Variants in ARHGEF3 observed in about 807,000 individuals in gnomAD.
The protein encoded by ARHGEF3 is 59.8 kDA protein.
Under a neutral mutation model 63.2 loss-of-function variants are expected in ARHGEF3, and 28 were observed. The ratio of observed to expected loss-of-function variants is 0.44; its 90% CI spans 0.33 to 0.61. The LOEUF is 0.61. Ranked by LOEUF, ARHGEF3 falls within the 20% of genes least tolerant of loss-of-function variation. The pLI is 0.03. For missense variants in ARHGEF3, 533 were observed against 659.3 expected (o/e 0.81, Z 2.10); for synonymous variants, 266 against 254.2 (o/e 1.05, Z -0.44).
intron 3 of ARHGEF3, among the ~76,000 whole-genome samples, chr3:56,948,076 C>G (rs80192161): frequency 0.12 from 17,572 of 152,040 alleles, 1,276 homozygotes; most frequent in East Asian, 0.25. Flanking sequence ...TTCTTTGAAA[C>G]CAACGAGAAC....
intron 2 of ARHGEF3, among the ~76,000 whole-genome samples, chr3:56,757,136 A>G (rs2035122448): frequency 6.6e-6 from 1 of 152,212 alleles, no homozygotes; most frequent in African/African-American, 2.4e-5. Flanking sequence ...GAAAGTAAAG[A>G]AAAATTTTAA....
chr3:56,829,441 A>T (rs1010295413), intron 4 of ARHGEF3, among the ~76,000 whole-genome samples: 1 of 152,164 alleles, frequency 6.6e-6, no homozygotes, highest in African/African-American at 2.4e-5. Context: ...CATTTGGCCC[A>T]GGTTGTTCAA....
intron 2 of ARHGEF3, among the ~76,000 whole-genome samples, chr3:56,974,868 G>GGA (rs2106869682): frequency 6.6e-6 from 1 of 152,210 alleles, no homozygotes; most frequent in Non-Finnish European, 1.5e-5. Context: ...TTTTGCCTGG[G>GGA]GAGAGCCTGT....
chr3:56,957,218 G>C (rs2106733072), intron 3 of ARHGEF3, among the ~76,000 whole-genome samples: 1 of 152,244 alleles, frequency 6.6e-6, no homozygotes, highest in East Asian at 1.9e-4. Context: ...ATTTCTCTTT[G>C]TACTCAATAA....
intron 3 of ARHGEF3, among the ~76,000 whole-genome samples, chr3:56,946,882 G>T (rs1265059721): frequency 6.6e-6 from 1 of 152,152 alleles, no homozygotes; most frequent in Non-Finnish European, 1.5e-5. Flanking sequence ...AGAGAGAAAG[G>T]TCAGGTTACC....
At chr3:57,074,049 G>A (rs1213763583) in intron 1 of ARHGEF3, 7 of 1,614,198 alleles carry the variant, frequency 4.3e-6, no homozygotes, top group Non-Finnish European at 5.9e-6. Flanking sequence ...AGGCAGTTGT[G>A]AGCAAGTTAT....
At chr3:56,884,285 G>A (rs557820023) in intron 3 of ARHGEF3, among the ~76,000 whole-genome samples, 2 of 152,274 alleles carry the variant, frequency 1.3e-5, no homozygotes, top group Admixed American at 6.5e-5. Flanking sequence ...AACATGGGTT[G>A]GAGGGCTCTG....
At chr3:56,791,383 C>A (rs773304001) in intron 1 of ARHGEF3, among the ~76,000 whole-genome samples, 5 of 152,090 alleles carry the variant, frequency 3.3e-5, no homozygotes, top group African/African-American at 4.8e-5. Context: ...GTTAAGGCTG[C>A]AGTGAGCCAT....
intron 4 of ARHGEF3, chr3:56,882,173 C>T (rs1391094783): frequency 2.0e-6 from 2 of 995,934 alleles, no homozygotes; most frequent in Non-Finnish European, 2.9e-6. Context: ...CCCCAGGTCA[C>T]AACTTCCATA....
chr3:56,756,267 A>G (rs2035059945), intron 2 of ARHGEF3, among the ~76,000 whole-genome samples: 1 of 152,196 alleles, frequency 6.6e-6, no homozygotes, highest in Admixed American at 6.5e-5. Flanking sequence ...GCTGTGCTCC[A>G]AAACCACATT....
rs367560764 is a variant in ARHGEF3, at chr3:56,924,086, C to T, written c.129+34737G>A. On this transcript the variant is annotated intron_variant, in intron 3 of 12. Transcript: ENST00000338458. ...ACAAAATCATGGACAATAAGCCCCA[C>T]GTGGCTGTAACAAGAAGCAATTATA... Among the ~76,000 whole-genome samples the T allele has an allele frequency of 4.6e-5, 7 of 152,132 alleles. No homozygotes were observed. In the East Asian group the frequency reaches 9.6e-4, roughly 21 times the overall value.
chr3:56,977,347 C>A (rs920496736), intron 2 of ARHGEF3: 1 of 456,508 alleles, frequency 2.2e-6, no homozygotes, highest in Admixed American at 2.3e-5. Context: ...GGGCCCCTCA[C>A]TAACTCTCAG....
chr3:57,073,953 C>T (rs1706078125), intron 1 of ARHGEF3: 1 of 1,614,194 alleles, frequency 6.2e-7, no homozygotes, highest in South Asian at 1.1e-5. Flanking sequence ...GAGATATTTA[C>T]AAGCAGCCAT....
At chr3:56,884,929 T>C (rs566604562) in intron 3 of ARHGEF3, among the ~76,000 whole-genome samples, 5 of 152,340 alleles carry the variant, frequency 3.3e-5, no homozygotes, top group African/African-American at 7.2e-5. Flanking sequence ...CAAAGTTACA[T>C]GGTTACAGCG....
chr3:56,850,079 T>A (rs2039625484), intron 4 of ARHGEF3, among the ~76,000 whole-genome samples: 1 of 152,126 alleles, frequency 6.6e-6, no homozygotes. Flanking sequence ...CCGAGCCTTA[T>A]CAACACTGTT....
At chr3:56,755,802 G>A (rs1322250964) in intron 2 of ARHGEF3, among the ~76,000 whole-genome samples, 2 of 152,162 alleles carry the variant, frequency 1.3e-5, no homozygotes, top group African/African-American at 4.8e-5. Context: ...TAGTTACACA[G>A]AAGCATCTGT....
chr3:56,867,553 G>GC (rs1256039222), intron 4 of ARHGEF3, among the ~76,000 whole-genome samples: 7 of 152,042 alleles, frequency 4.6e-5, no homozygotes, highest in African/African-American at 1.4e-4. Context: ...GCTCACTGCA[G>GC]CCTTAACCTC....
At chr3:57,067,436 C>T (rs2107377466) in intron 1 of ARHGEF3, among the ~76,000 whole-genome samples, 1 of 143,738 alleles carries the variant, frequency 7.0e-6, no homozygotes, top group Middle Eastern at 3.5e-3. Flanking sequence ...GCCTGGGTGA[C>T]AGCAAGACTC....
intron 4 of ARHGEF3, among the ~76,000 whole-genome samples, chr3:56,843,665 G>A (rs1241469766): frequency 1.3e-5 from 2 of 152,150 alleles, no homozygotes; most frequent in Admixed American, 6.5e-5. Flanking sequence ...TTAATGCTGC[G>A]TTATATTCCA....
Sources: gnomAD v4.1 joint callset for allele counts (sites outside exome capture counted in the v4.1 genomes callset) on GRCh38, gnomAD v4.1.1 for gene constraint, MANE v1.5 for transcripts, NCBI Gene and HGNC (gene_info 2026-07-23, HGNC 2026-07-21) for gene names.